PXDNL: variants seen among roughly 807,000 people sequenced by gnomAD.
PXDNL encodes peroxidasin like.
A neutral mutation model predicts 150.8 loss-of-function variants in PXDNL; 145 were observed. The ratio of observed to expected loss-of-function variants is 0.96; its 90% CI spans 0.84 to 1.10. The LOEUF (loss-of-function observed/expected upper bound fraction) is 1.10. PXDNL is among the 50% of genes least tolerant of loss of function. PXDNL has a pLI of 0.00. For missense variants in PXDNL, 2,087 were observed against 1,873.9 expected (o/e 1.11, Z -2.10); for synonymous variants, 757 against 725.7 (o/e 1.04, Z -0.69).
intron 4 of PXDNL, among the ~76,000 whole-genome samples, chr8:51,547,809 A>G (rs1368021185): frequency 6.6e-6 from 1 of 152,182 alleles, no homozygotes; most frequent in African/African-American, 2.4e-5. Context: ...AAAAGCTCAC[A>G]CTAGCTCTCT....
At chr8:51,672,085 G>A (rs906120929) in intron 1 of PXDNL, among the ~76,000 whole-genome samples, 7 of 152,078 alleles carry the variant, frequency 4.6e-5, no homozygotes, top group African/African-American at 1.2e-4. Flanking sequence ...AGGTTCAAGC[G>A]ATTCTTGTGC....
At chr8:51,695,563 T>C (rs1816101588) in intron 1 of PXDNL, among the ~76,000 whole-genome samples, 1 of 152,106 alleles carries the variant, frequency 6.6e-6, no homozygotes, top group South Asian at 2.1e-4. Flanking sequence ...TTTAACAAAT[T>C]CGTTGGGTGA....
chr8:51,521,365 C>G (rs1192527532), intron 4 of PXDNL, among the ~76,000 whole-genome samples: 1 of 151,812 alleles, frequency 6.6e-6, no homozygotes, highest in East Asian at 1.9e-4. Context: ...AAAACAATAG[C>G]AACAAAAATG....
At chr8:51,372,222 G>C in intron 18 of PXDNL, 141 bp from the exon 19 acceptor site, 2 of 620,092 alleles carry the variant, frequency 3.2e-6, no homozygotes, top group South Asian at 4.0e-5. Context: ...CTCCAACTGA[G>C]TATCCTTTTA....
intron 5 of PXDNL, among the ~76,000 whole-genome samples, chr8:51,487,989 G>C (rs1214196048): frequency 1.3e-5 from 2 of 152,134 alleles, no homozygotes; most frequent in Non-Finnish European, 2.9e-5. Context: ...AAATTTGCTT[G>C]AATTTAGAAA....
At chr8:51,697,320 G>A (rs140240990) in intron 1 of PXDNL, among the ~76,000 whole-genome samples, 15 of 147,506 alleles carry the variant, frequency 1.0e-4, no homozygotes, top group Non-Finnish European at 1.9e-4. Context: ...GTGGGGGTGG[G>A]TTGTGAGGGG....
chr8:51,691,474 A>C (rs547884150), intron 1 of PXDNL, among the ~76,000 whole-genome samples: 1 of 152,182 alleles, frequency 6.6e-6, no homozygotes, highest in Non-Finnish European at 1.5e-5. Context: ...AAGATCAGAT[A>C]GTTGTAGACA....
chr8:51,499,766 T>A lies in PXDNL; in HGVS notation c.385A>T (p.Ile129Phe). 6.2e-7 allele frequency: 1 copy of A among 1,612,182 alleles called. No homozygotes were observed. Among genetic ancestry groups the A allele is most frequent in the Non-Finnish European group, 8.5e-7 (1 of 1,178,314 alleles). ...KGLISLEHLY[I>F]HFNQLEMLQP... ...AGCATTTCTAGTTGGTTGAAATGAA[T>A]ATACCTGGAAGGCAAAAAATCAAGT... The change falls in exon 5 of 23, where the codon ATT (isoleucine) becomes TTT (phenylalanine). Residue 129 changes from isoleucine to phenylalanine, a missense_variant. Physicochemically the swap from Ile to Phe is conservative, Grantham distance 21 (BLOSUM62 0). Coordinates refer to ENST00000356297, the MANE Select transcript of PXDNL (RefSeq NM_144651.5).
At chr8:51,391,245 G>T (rs962770186) in intron 17 of PXDNL, among the ~76,000 whole-genome samples, 4 of 152,130 alleles carry the variant, frequency 2.6e-5, no homozygotes, top group Admixed American at 6.5e-5. Flanking sequence ...ATAGTCCTTT[G>T]GGTATATACC....
At chr8:51,787,467 C>T (rs2037470875) in intron 1 of PXDNL, among the ~76,000 whole-genome samples, 1 of 152,048 alleles carries the variant, frequency 6.6e-6, no homozygotes, top group South Asian at 2.1e-4. Context: ...GCATTTTAAC[C>T]CTCGGGGATG....
intron 10 of PXDNL, among the ~76,000 whole-genome samples, chr8:51,452,935 A>AGCACATACACACACAC: frequency 7.0e-6 from 1 of 142,674 alleles, no homozygotes; most frequent in Admixed American, 6.8e-5. Context: ...CACACACACA[A>AGCACATACACACACAC]ACACACACAC....
At chr8:51,753,395 C>T (rs1466985224) in intron 1 of PXDNL, among the ~76,000 whole-genome samples, 3 of 152,166 alleles carry the variant, frequency 2.0e-5, no homozygotes, top group Non-Finnish European at 4.4e-5. Flanking sequence ...TAGAGAGCCA[C>T]AAGAATTATA....
At chr8:51,552,506 A>C (rs1812513416) in intron 4 of PXDNL, among the ~76,000 whole-genome samples, 1 of 152,222 alleles carries the variant, frequency 6.6e-6, no homozygotes, top group Admixed American at 6.5e-5. Flanking sequence ...CAGCCATAAA[A>C]ATGAATGAAA....
At chr8:51,360,483 G>A (rs934957370) in intron 19 of PXDNL, among the ~76,000 whole-genome samples, 1 of 152,088 alleles carries the variant, frequency 6.6e-6, no homozygotes, top group Non-Finnish European at 1.5e-5. Flanking sequence ...ACATGTTTAT[G>A]CATACACATG....
intron 12 of PXDNL, among the ~76,000 whole-genome samples, chr8:51,428,902 G>T (rs1809179774): frequency 4.2e-5 from 1 of 23,708 alleles, no homozygotes; most frequent in Non-Finnish European, 1.7e-4. Context: ...AGTATCAAAG[G>T]GCAAGTTATA....
chr8:51,607,201 A>G (rs1813854806), intron 2 of PXDNL, among the ~76,000 whole-genome samples: 1 of 152,188 alleles, frequency 6.6e-6, no homozygotes, highest in South Asian at 2.1e-4. Context: ...GACATAGGAA[A>G]TGGGGAGGGA....
chr8:51,466,977 A>T (rs1810218583), intron 8 of PXDNL, among the ~76,000 whole-genome samples: 1 of 152,216 alleles, frequency 6.6e-6, no homozygotes, highest in African/African-American at 2.4e-5. Flanking sequence ...TGCAGAGAGC[A>T]GTTTGAAGAT....
chr8:51,751,157 C>T (rs2037042212), intron 1 of PXDNL, among the ~76,000 whole-genome samples: 1 of 152,070 alleles, frequency 6.6e-6, no homozygotes, highest in South Asian at 2.1e-4. Flanking sequence ...CATCATAGGT[C>T]ATATCAACAT....
intron 2 of PXDNL, among the ~76,000 whole-genome samples, chr8:51,613,836 A>G (rs1458588550): frequency 6.6e-6 from 1 of 152,186 alleles, no homozygotes; most frequent in East Asian, 1.9e-4. Flanking sequence ...GCATTGCTTA[A>G]GTGAAAGTCA....
Sources: gnomAD v4.1 joint callset for allele counts (sites outside exome capture counted in the v4.1 genomes callset) on GRCh38, gnomAD v4.1.1 for gene constraint, MANE v1.5 for transcripts, NCBI Gene and HGNC (gene_info 2026-07-23, HGNC 2026-07-21) for gene names.